Variants in DEPDC1B observed in about 807,000 individuals in gnomAD.
DEPDC1B encodes the protein DEP domain containing 1B, also known as DEP domain-containing protein 1B.
A neutral mutation model predicts 66.5 loss-of-function variants in DEPDC1B; 51 were observed. The ratio of observed to expected loss-of-function variants is 0.77; its 90% CI spans 0.61 to 0.97. DEPDC1B has a LOEUF of 0.97. Ranked by LOEUF, DEPDC1B falls within the 50% of genes least tolerant of loss-of-function variation. The pLI is 0.00. For synonymous variants in DEPDC1B, 226 were observed against 223.6 expected, an observed-to-expected ratio of 1.01 and a Z score of -0.10; for missense variants, 552 against 637.1, an observed-to-expected ratio of 0.87 and a Z score of 1.44.
chr5:60,600,298 C>G (rs1386838967), intron 9 of DEPDC1B, among the ~76,000 whole-genome samples: 1 of 152,046 alleles, frequency 6.6e-6, no homozygotes, highest in Non-Finnish European at 1.5e-5. Context: ...AAAAAGGAAA[C>G]CAAGGCCTGT....
At chr5:60,601,048 C>T (rs1303920255) in intron 9 of DEPDC1B, among the ~76,000 whole-genome samples, 1 of 152,190 alleles carries the variant, frequency 6.6e-6, no homozygotes, top group Admixed American at 6.5e-5. Context: ...GTGCTTCTCT[C>T]TCCTGCTGCC....
chr5:60,659,035 C>T (rs898076273), intron 2 of DEPDC1B, among the ~76,000 whole-genome samples: 1 of 152,190 alleles, frequency 6.6e-6, no homozygotes, highest in East Asian at 1.9e-4. Context: ...GCCCAGGGTT[C>T]GTCCTAATTG....
intron 7 of DEPDC1B, among the ~76,000 whole-genome samples, chr5:60,630,295 C>T (rs927153970): frequency 1.1e-4 from 16 of 152,218 alleles, no homozygotes; most frequent in Non-Finnish European, 1.0e-4. Context: ...TGTCCACTGC[C>T]GAGTCAGCTC....
chr5:60,690,961 T>C (rs1328722046), intron 1 of DEPDC1B, among the ~76,000 whole-genome samples: 1 of 152,232 alleles, frequency 6.6e-6, no homozygotes, highest in Non-Finnish European at 1.5e-5. Flanking sequence ...GAAGTGGGGT[T>C]TGTGTATGCA....
intron 7 of DEPDC1B, among the ~76,000 whole-genome samples, chr5:60,612,952 G>A (rs886895168): frequency 1.3e-5 from 2 of 152,114 alleles, no homozygotes; most frequent in Non-Finnish European, 2.9e-5. Flanking sequence ...GGGAGATATC[G>A]TCACTCTTCT....
At chr5:60,662,114 C>A (rs1002203813) in intron 2 of DEPDC1B, among the ~76,000 whole-genome samples, 1 of 152,152 alleles carries the variant, frequency 6.6e-6, no homozygotes, top group Middle Eastern at 3.4e-3. Context: ...TCAGGCCGGG[C>A]ATGGTGATTC....
At chr5:60,669,896 T>C (rs573764084) in intron 2 of DEPDC1B, among the ~76,000 whole-genome samples, 6 of 152,164 alleles carry the variant, frequency 3.9e-5, no homozygotes, top group African/African-American at 1.4e-4. Context: ...CTATAAAATA[T>C]CTATGACTTA....
At chr5:60,609,715 T>G (rs1752377705) in intron 7 of DEPDC1B, among the ~76,000 whole-genome samples, 2 of 152,164 alleles carry the variant, frequency 1.3e-5, no homozygotes, top group South Asian at 4.1e-4. Flanking sequence ...TGTAAGTTGA[T>G]CTTGTAATTT....
chr5:60,599,087 C>A lies in DEPDC1B; in HGVS notation c.1416G>T (p.Lys472Asn). ...DAKLSNKEKK[K>N]KLKQFQKSYP... ...AATATCCTTTTACCTGCTTCAGTTT[C>A]TTCTTTTTCTCTTTGTTGGAGAGTT... Residue 472 changes from lysine to asparagine, a missense_variant, in exon 10 of 11, where the codon AAG (lysine) becomes AAT (asparagine). By Grantham distance (94) the Lys-to-Asn change is moderately conservative. Coordinates refer to ENST00000265036, the MANE Select transcript of DEPDC1B (RefSeq NM_018369.3). 2 of 1,589,822 alleles carry A rather than the reference C, an allele frequency of 1.3e-6. No homozygotes were observed. Among genetic ancestry groups the A allele is most frequent in the South Asian group, 2.3e-5 (2 of 85,648 alleles).
chr5:60,625,672 G>A (rs1278701319), intron 7 of DEPDC1B, among the ~76,000 whole-genome samples: 1 of 152,090 alleles, frequency 6.6e-6, no homozygotes, highest in Non-Finnish European at 1.5e-5. Flanking sequence ...AGCAGTCATA[G>A]GGGACAAAAA....
chr5:60,699,941 C>A (rs1584114216), intron 1 of DEPDC1B, 105 bp downstream of exon 1: 2 of 1,373,058 alleles, frequency 1.5e-6, no homozygotes, highest in Admixed American at 2.0e-5. Flanking sequence ...CACACCCGAG[C>A]CCCGCTGGCC....
chr5:60,598,169 T>C (rs1200224119), intron 10 of DEPDC1B, among the ~76,000 whole-genome samples: 9 of 152,188 alleles, frequency 5.9e-5, no homozygotes, highest in Non-Finnish European at 1.2e-4. Context: ...TTTTATATAT[T>C]CACAAGTAAC....
chr5:60,675,493 T>C (rs1181872418), intron 2 of DEPDC1B, among the ~76,000 whole-genome samples: 1 of 152,124 alleles, frequency 6.6e-6, no homozygotes, highest in Admixed American at 6.5e-5. Flanking sequence ...TGAAGAACTG[T>C]TCATTGGCTT....
At chr5:60,614,435 G>C (rs1752491438) in intron 7 of DEPDC1B, among the ~76,000 whole-genome samples, 1 of 152,120 alleles carries the variant, frequency 6.6e-6, no homozygotes, top group African/African-American at 2.4e-5. Context: ...GGATCCTTCT[G>C]CTTCAGCCTT....
intron 10 of DEPDC1B, among the ~76,000 whole-genome samples, chr5:60,598,563 A>G (rs1015232143): frequency 2.6e-5 from 4 of 152,228 alleles, no homozygotes; most frequent in Non-Finnish European, 5.9e-5. Flanking sequence ...TTGTGAGTTA[A>G]AAACGATTCG....
chr5:60,615,031 T>C (rs987366043), intron 7 of DEPDC1B, among the ~76,000 whole-genome samples: 73 of 152,286 alleles, frequency 4.8e-4, no homozygotes, highest in African/African-American at 1.7e-3. Context: ...AAAGCTATTA[T>C]GAGCAAAGTT....
chr5:60,619,012 A>G (rs1002757561), intron 7 of DEPDC1B, among the ~76,000 whole-genome samples: 4 of 152,270 alleles, frequency 2.6e-5, no homozygotes, highest in African/African-American at 9.6e-5. Flanking sequence ...GTAATCCAGC[A>G]TATAAACAGA....
intron 6 of DEPDC1B, 51 bp downstream of exon 6, chr5:60,642,761 G>T: frequency 6.8e-7 from 1 of 1,473,170 alleles, no homozygotes; most frequent in Admixed American, 1.9e-5. Context: ...TCCTAATTTA[G>T]GGCACTAATT....
chr5:60,682,735 C>A (rs1319847389), intron 2 of DEPDC1B, among the ~76,000 whole-genome samples: 2 of 151,860 alleles, frequency 1.3e-5, no homozygotes, highest in Admixed American at 1.3e-4. Context: ...CATGATTGAA[C>A]CAGAAATAAA....
Sources: gnomAD v4.1 joint callset for allele counts (sites outside exome capture counted in the v4.1 genomes callset) on GRCh38, gnomAD v4.1.1 for gene constraint, MANE v1.5 for transcripts, NCBI Gene and HGNC (gene_info 2026-07-23, HGNC 2026-07-21) for gene names.